GPC3: variants seen among roughly 807,000 people sequenced by gnomAD.
GPC3 encodes the protein glypican-3.
A neutral mutation model predicts 34.4 loss-of-function variants in GPC3; 3 were observed. The observed-to-expected ratio is 0.09, with a 90% CI of 0.04 to 0.23. The LOEUF is 0.23. Among genes scored for constraint, GPC3 ranks in the 10% least tolerant of loss-of-function variants. The pLI is 1.00. For synonymous variants in GPC3, 177 were observed against 174.0 expected (o/e 1.02, Z -0.13); for missense variants, 351 against 445.6 (o/e 0.79, Z 1.91).
At chrX:133,801,778 T>G (rs2075611183) in intron 2 of GPC3, among the ~76,000 whole-genome samples, 1 of 112,419 alleles carries the variant, frequency 8.9e-6, no homozygotes, top group Non-Finnish European at 1.9e-5. Context: ...AGATTATTTA[T>G]ACCTCAGGCA....
At chrX:133,624,376 T>C (rs895133787) in intron 6 of GPC3, among the ~76,000 whole-genome samples, 1 of 111,412 alleles carries the variant, frequency 9.0e-6, no homozygotes, top group Admixed American at 9.5e-5. Flanking sequence ...AAGGTGCTGG[T>C]TTTTTGAAAA....
intron 7 of GPC3, among the ~76,000 whole-genome samples, chrX:133,555,827 CA>C (rs111495512): frequency 0.05 from 4,323 of 86,350 alleles, 283 homozygotes; most frequent in African/African-American, 0.17. Flanking sequence ...GACTCCATCT[CA>C]AAAAAAAAAA....
intron 2 of GPC3, among the ~76,000 whole-genome samples, chrX:133,759,405 G>T (rs2071763565): frequency 8.9e-6 from 1 of 111,792 alleles, no homozygotes; most frequent in Admixed American, 9.5e-5. Context: ...ATTGGTGAAA[G>T]AATTGAAAAA....
chrX:133,556,934 TAA>T (rs2069495128), intron 7 of GPC3, among the ~76,000 whole-genome samples: 1 of 108,996 alleles, frequency 9.2e-6, no homozygotes, highest in East Asian at 2.9e-4. Context: ...AAAAAAAAAA[TAA>T]AGATTTTTTT....
chrX:133,959,223 T>A (rs957092055), intron 1 of GPC3, among the ~76,000 whole-genome samples: 5 of 111,859 alleles, frequency 4.5e-5, no homozygotes, highest in Admixed American at 9.5e-5. Flanking sequence ...CGCTCTTTGT[T>A]AGCTCCATTT....
intron 5 of GPC3, among the ~76,000 whole-genome samples, chrX:133,665,720 T>C (rs1268852476): frequency 8.9e-6 from 1 of 112,184 alleles, no homozygotes. Flanking sequence ...TAAAGGAACA[T>C]TCTTTATCTG....
chrX:133,712,742 AG>A (rs1167827308), intron 3 of GPC3, among the ~76,000 whole-genome samples: 1 of 107,565 alleles, frequency 9.3e-6, no homozygotes, highest in African/African-American at 3.6e-5. Flanking sequence ...AAAATTAGCC[AG>A]GCTTGGTGGC....
chrX:133,718,252 T>C (rs2071333089), intron 3 of GPC3, among the ~76,000 whole-genome samples: 1 of 111,923 alleles, frequency 8.9e-6, no homozygotes, highest in Non-Finnish European at 1.9e-5. Context: ...CGGAATACAA[T>C]GTTTGAAAAT....
At chrX:133,815,839 T>G (rs1315736716) in intron 2 of GPC3, among the ~76,000 whole-genome samples, 1 of 111,659 alleles carries the variant, frequency 9.0e-6, no homozygotes, top group Non-Finnish European at 1.9e-5. Context: ...AGAATTAGCT[T>G]CTGAGAGATG....
intron 1 of GPC3, among the ~76,000 whole-genome samples, chrX:133,963,733 T>C (rs2076451235): frequency 8.9e-6 from 1 of 112,120 alleles, no homozygotes; most frequent in African/African-American, 3.2e-5. Context: ...TTATCCCTAC[T>C]ATTAAGTTAT....
chrX:133,634,789 C>T (rs920002331), intron 6 of GPC3, among the ~76,000 whole-genome samples: 4 of 111,829 alleles, frequency 3.6e-5, no homozygotes, highest in African/African-American at 1.3e-4. Context: ...TTCAGGAAAA[C>T]ATTTTGCATT....
At chrX:133,583,058 G>A (rs190842022) in intron 7 of GPC3, among the ~76,000 whole-genome samples, 5 of 111,564 alleles carry the variant, frequency 4.5e-5, no homozygotes, top group Non-Finnish European at 7.5e-5. Flanking sequence ...TCTGCCATTC[G>A]TAAGGATCCG....
At chrX:133,756,275 G>A (rs987236444) in intron 2 of GPC3, among the ~76,000 whole-genome samples, 2 of 112,056 alleles carry the variant, frequency 1.8e-5, no homozygotes, top group East Asian at 2.8e-4. Flanking sequence ...TGCTGCCTTC[G>A]ACCTACAGCC....
chrX:133,913,118 G>A (rs2076208599), intron 2 of GPC3, among the ~76,000 whole-genome samples: 2 of 111,230 alleles, frequency 1.8e-5, no homozygotes, highest in African/African-American at 6.5e-5. Context: ...GAAGTTAACT[G>A]CATTGAGGAA....
intron 6 of GPC3, among the ~76,000 whole-genome samples, chrX:133,629,007 G>GT (rs1330027465): frequency 4.5e-5 from 5 of 112,124 alleles, no homozygotes; most frequent in Non-Finnish European, 9.4e-5. Flanking sequence ...CATTACACTT[G>GT]TAATATACAT....
At chrX:133,742,129 A>T (rs1189211267) in intron 3 of GPC3, among the ~76,000 whole-genome samples, 1 of 112,422 alleles carries the variant, frequency 8.9e-6, no homozygotes, top group East Asian at 2.8e-4. Context: ...TGATGACTAA[A>T]CCATAATCAC....
intron 3 of GPC3, among the ~76,000 whole-genome samples, chrX:133,725,481 C>T (rs757170851): frequency 7.7e-4 from 87 of 112,604 alleles, no homozygotes; most frequent in African/African-American, 2.5e-3. Context: ...GCTGTTTCCA[C>T]AGTTTGCATG....
At chrX:133,851,658 C>T (rs1380605224) in intron 2 of GPC3, among the ~76,000 whole-genome samples, 1 of 111,855 alleles carries the variant, frequency 8.9e-6, no homozygotes, top group Non-Finnish European at 1.9e-5. Context: ...CTGTTGTTTT[C>T]CCCCTCCCAT....
intron 5 of GPC3, among the ~76,000 whole-genome samples, chrX:133,683,214 G>C (rs916005958): frequency 1.8e-5 from 2 of 111,676 alleles, no homozygotes; most frequent in African/African-American, 6.5e-5. Flanking sequence ...AGCATCAGTG[G>C]AGTCCATCTG....
Sources: gnomAD v4.1 joint callset for allele counts (sites outside exome capture counted in the v4.1 genomes callset) on GRCh38, gnomAD v4.1.1 for gene constraint, MANE v1.5 for transcripts, NCBI Gene and HGNC (gene_info 2026-07-23, HGNC 2026-07-21) for gene names.